ZFC3H1: variants seen among roughly 807,000 people sequenced by gnomAD.
ZFC3H1 encodes the protein zinc finger C3H1-type containing.
Under a neutral mutation model 243.7 loss-of-function variants are expected in ZFC3H1, and 71 were observed. The ratio of observed to expected loss-of-function variants is 0.29; its 90% CI spans 0.24 to 0.36. The LOEUF is 0.36. Among genes scored for constraint, ZFC3H1 ranks in the 10% least tolerant of loss-of-function variants. The pLI is 1.00. For missense variants in ZFC3H1, 1,966 were observed against 2,317.1 expected (o/e 0.85, Z 3.11); for synonymous variants, 838 against 813.0 (o/e 1.03, Z -0.52).
intron 19 of ZFC3H1, among the ~76,000 whole-genome samples, chr12:71,629,270 A>C (rs1239628849): frequency 1.3e-5 from 2 of 150,262 alleles, no homozygotes; most frequent in East Asian, 3.9e-4. Context: ...GGTTCAAGTG[A>C]TTTTCCTGCC....
chr12:71,645,098 T>G, intron 3 of ZFC3H1, 23 bp from the exon 4 acceptor site: 1 of 1,551,196 alleles, frequency 6.4e-7, no homozygotes. Context: ...AAGAAAGAGC[T>G]AAAATTTTTT....
At chr12:71,618,267 T>A (rs1879938270) in intron 27 of ZFC3H1, among the ~76,000 whole-genome samples, 2 of 148,568 alleles carry the variant, frequency 1.3e-5, no homozygotes, top group South Asian at 4.3e-4. Context: ...TCCGTTCTCT[T>A]AAAATAAAAT....
intron 6 of ZFC3H1, among the ~76,000 whole-genome samples, chr12:71,640,316 C>T (rs1880569324): frequency 6.6e-6 from 1 of 152,198 alleles, no homozygotes; most frequent in African/African-American, 2.4e-5. Flanking sequence ...AGTCACCGTG[C>T]CCAGCCATTC....
chr12:71,628,805 A>C, intron 20 of ZFC3H1, 113 bp downstream of exon 20: 1 of 1,250,088 alleles, frequency 8.0e-7, no homozygotes, highest in Non-Finnish European at 1.1e-6. Context: ...GTTTTTAAAA[A>C]AAATTTTTTT....
chr12:71,655,497 A>G (rs2137561545), intron 2 of ZFC3H1, among the ~76,000 whole-genome samples: 1 of 152,260 alleles, frequency 6.6e-6, no homozygotes, highest in East Asian at 1.9e-4. Flanking sequence ...GGGAAAAAAA[A>G]GGTACAACTT....
intron 1 of ZFC3H1, among the ~76,000 whole-genome samples, chr12:71,660,969 T>C (rs1203601101): frequency 6.6e-6 from 1 of 151,386 alleles, no homozygotes; most frequent in Non-Finnish European, 1.5e-5. Flanking sequence ...TTTTTTTAAA[T>C]AAATTTAATA....
At chr12:71,636,375 T>C (rs1880461454) in intron 9 of ZFC3H1, 115 bp downstream of exon 9, 1 of 747,590 alleles carries the variant, frequency 1.3e-6, no homozygotes. Flanking sequence ...TGTATTTATA[T>C]GTGAATATAT....
chr12:71,620,403 G>T, intron 24 of ZFC3H1, 88 bp from the exon 25 acceptor site: 1 of 1,318,064 alleles, frequency 7.6e-7, no homozygotes, highest in Non-Finnish European at 1.1e-6. Context: ...AGAGACCAAT[G>T]GGAAAAGATG....
chr12:71,635,343 T>C, intron 10 of ZFC3H1, 100 bp downstream of exon 10: 26 of 1,416,484 alleles, frequency 1.8e-5, no homozygotes, highest in South Asian at 8.6e-5. Context: ...ATCAATGTTA[T>C]TAAAAATCTA....
At chr12:71,629,869 A>T (rs1880276773) in intron 18 of ZFC3H1, among the ~76,000 whole-genome samples, 159 bp from the exon 19 acceptor site, 1 of 152,120 alleles carries the variant, frequency 6.6e-6, no homozygotes, top group Admixed American at 6.6e-5. Flanking sequence ...GTATTATCTT[A>T]ACTACTATGG....
Position 71,663,337 on chromosome 12 carries a change from C to T in ZFC3H1, c.274G>A (p.Ala92Thr). The change falls in exon 1 of 35, where the codon GCG becomes ACG. Residue 92 changes from alanine (A) to threonine (T), a missense_variant. By Grantham distance (58) the Ala-to-Thr change is moderately conservative (BLOSUM62 0). Around this residue, in one of 4 missense-constraint regions of ZFC3H1, gnomAD observed 484 missense variants for 449.7 expected, o/e 1.08. Transcript: ENST00000378743. ...CCCCTGAGGTGGCCCCGCTCAGACG[C>T]GTGCCGCGAGCGTGAGAAATTCCTC... The part of the protein sequence containing the change: ...QLRNFSRSRH[A>T]SERGHLRGPS... 6.2e-7 allele frequency: 1 copy of T among 1,613,220 alleles called. No individual in the cohort carries two copies. Among genetic ancestry groups the T allele is most frequent in the Non-Finnish European group, 8.5e-7 (1 of 1,180,036 alleles).
intron 1 of ZFC3H1, among the ~76,000 whole-genome samples, chr12:71,658,812 T>C (rs1467312968): frequency 6.6e-6 from 1 of 152,208 alleles, no homozygotes; most frequent in Non-Finnish European, 1.5e-5. Flanking sequence ...AATCTCTGGT[T>C]CTCTGATCTC....
chr12:71,653,176 A>T (rs1339867574), intron 2 of ZFC3H1, among the ~76,000 whole-genome samples: 1 of 152,204 alleles, frequency 6.6e-6, no homozygotes, highest in Non-Finnish European at 1.5e-5. Context: ...CAGGGAGAAG[A>T]AAAGTGGAAA....
intron 27 of ZFC3H1, among the ~76,000 whole-genome samples, chr12:71,616,754 TG>T (rs1879903631): frequency 6.6e-6 from 1 of 152,144 alleles, no homozygotes; most frequent in African/African-American, 2.4e-5. Context: ...ACGGGCTGTA[TG>T]GGGGGCAAAC....
At chr12:71,624,842 C>T (rs1225896427) in intron 22 of ZFC3H1, among the ~76,000 whole-genome samples, 1 of 152,174 alleles carries the variant, frequency 6.6e-6, no homozygotes, top group Non-Finnish European at 1.5e-5. Flanking sequence ...TGGTGCATGC[C>T]TGTAGTCCCA....
intron 32 of ZFC3H1, 102 bp downstream of exon 32, chr12:71,611,679 ATATAT>A (rs1879777369): frequency 1.2e-5 from 2 of 169,560 alleles, no homozygotes; most frequent in East Asian, 2.8e-4. Context: ...AAAAAAAAAT[ATATAT>A]ATATATATAT....
chr12:71,656,897 C>G lies in ZFC3H1; in HGVS notation c.1003G>C (p.Asp335His). The change falls in exon 2 of 35, where the codon GAT becomes CAT. Residue 335 changes from aspartate (D) to histidine (H), a missense_variant. By Grantham distance (81) the Asp-to-His change is moderately conservative. Coordinates refer to ENST00000378743, the MANE Select transcript of ZFC3H1 (RefSeq NM_144982.5). ...KPLSLKSDTT[D>H]SSQGLQDKEQ... Reference sequence around the variant, plus strand: ...TTAATTCCATTACCTTGACTAGAATCAGTAGTGTCGGATTTCAGGGAAAGT... The same window carrying G: ...TTAATTCCATTACCTTGACTAGAATGAGTAGTGTCGGATTTCAGGGAAAGT... 1 of 1,611,198 alleles carries G rather than the reference C, an allele frequency of 6.2e-7. No homozygotes were observed. The highest frequency in any genetic ancestry group is 1.1e-5 in the South Asian group (1 of 90,526).
intron 11 of ZFC3H1, 93 bp from the exon 12 acceptor site, chr12:71,634,397 A>T (rs1305722849): frequency 7.4e-7 from 1 of 1,355,542 alleles, no homozygotes; most frequent in African/African-American, 1.5e-5. Flanking sequence ...AACAATATTA[A>T]TCACACCGAC....
In ZFC3H1 at chr12:71,663,324, C is replaced by T. The variant is rs1221751542; in HGVS notation, c.287G>A (p.Gly96Asp). ...GTAGCTGCTGGGTCCCCTGAGGTGGCCCCGCTCAGACGCGTGCCGCGAGCG... is the reference window on the plus strand; with the variant it reads ...GTAGCTGCTGGGTCCCCTGAGGTGGTCCCGCTCAGACGCGTGCCGCGAGCG... ...FSRSRHASER[G>D]HLRGPSSYRP... The change falls in exon 1 of 35, where the codon GGC (glycine) becomes GAC (aspartate). Residue 96 changes from glycine (G) to aspartate (D), a missense_variant. By Grantham distance (94) the Gly-to-Asp change is moderately conservative. Around this residue, in one of 4 missense-constraint regions of ZFC3H1, gnomAD observed 484 missense variants for 449.7 expected, o/e 1.08. Coordinates refer to ENST00000378743, the MANE Select transcript of ZFC3H1 (RefSeq NM_144982.5). The T allele has an allele frequency of 6.2e-7, 1 of 1,613,280 alleles. No individual in the cohort carries two copies. The highest frequency in any genetic ancestry group is 8.5e-7 in the Non-Finnish European group (1 of 1,180,016).
Sources: gnomAD v4.1 joint callset for allele counts (sites outside exome capture counted in the v4.1 genomes callset) on GRCh38, gnomAD v4.1.1 for gene constraint, gnomAD v4.1.1 regional missense constraint, MANE v1.5 for transcripts, NCBI Gene and HGNC (gene_info 2026-07-23, HGNC 2026-07-21) for gene names.